Variants in ROBO2 observed in about 807,000 individuals in gnomAD.
ROBO2 encodes the protein roundabout homolog 2.
In ROBO2, 53 loss-of-function variants were observed where a neutral mutation model predicts 160.8. That is an observed-to-expected ratio of 0.33 (90% CI 0.26 to 0.41). ROBO2 has a LOEUF of 0.41. Ranked by LOEUF, ROBO2 falls within the 10% of genes least tolerant of loss-of-function variation. ROBO2 has a pLI of 1.00. For synonymous variants in ROBO2, 664 were observed against 611.7 expected (o/e 1.09, Z -1.26); for missense variants, 1,577 against 1,722.4 (o/e 0.92, Z 1.49).
intron 2 of ROBO2, among the ~76,000 whole-genome samples, chr3:76,536,994 G>A (rs1012235571): frequency 3.3e-5 from 5 of 152,088 alleles, no homozygotes; most frequent in African/African-American, 1.2e-4. Context: ...CAGACTGAGC[G>A]TGAGGAAGGG....
intron 1 of ROBO2, chr3:77,092,110 G>A (rs1050061953): frequency 4.6e-5 from 7 of 152,052 alleles, no homozygotes; most frequent in South Asian, 2.1e-4. Flanking sequence ...GAGAAGATTA[G>A]CATGGTCCCT....
At chr3:77,354,584 C>T (rs373869351) in intron 2 of ROBO2, among the ~76,000 whole-genome samples, 1 of 152,158 alleles carries the variant, frequency 6.6e-6, no homozygotes, top group South Asian at 2.1e-4. Flanking sequence ...CTGAAATGTC[C>T]ATATTTTCAT....
At chr3:76,120,254 G>C (rs1245880088) in intron 2 of ROBO2, among the ~76,000 whole-genome samples, 1 of 151,950 alleles carries the variant, frequency 6.6e-6, no homozygotes, top group Non-Finnish European at 1.5e-5. Flanking sequence ...CGCCCACCTC[G>C]GCCTTCCAAA....
chr3:76,213,533 CT>C (rs758830879), intron 2 of ROBO2, among the ~76,000 whole-genome samples: 1 of 151,962 alleles, frequency 6.6e-6, no homozygotes, highest in South Asian at 2.1e-4. Context: ...GTAGTGTATT[CT>C]TTTTTCTAAG....
In ROBO2 at chr3:77,440,759, T is replaced by C. The variant is rs555033483; in HGVS notation, c.389-36655T>C. Among the ~76,000 whole-genome samples, 5 of 152,296 alleles carry C rather than the reference T, an allele frequency of 3.3e-5. No homozygotes were observed. The South Asian group carries it at 1.0e-3, about 32-fold the overall frequency. The stretch of plus-strand genomic sequence containing the variant: ...GGAAAGAAGGAAAGTCTCAGCCGAG[T>C]GTAAAATCTTTGAAATTGTTCAATT... On this transcript the variant is annotated intron_variant, in intron 2 of 25. Transcript: ENST00000461745.
At chr3:77,607,842 C>A in exon 21 of ROBO2, 1 of 1,613,962 alleles carries the variant, frequency 6.2e-7, no homozygotes, top group East Asian at 2.2e-5. Flanking sequence ...CTCTTCTAAA[C>A]CACAGAAAAA....
intron 2 of ROBO2, among the ~76,000 whole-genome samples, chr3:76,517,097 T>A (rs1476333974): frequency 6.6e-6 from 1 of 152,214 alleles, no homozygotes; most frequent in Non-Finnish European, 1.5e-5. Flanking sequence ...TCATATGACT[T>A]TCTTTTAATA....
At chr3:77,241,811 G>A (rs539415577) in intron 2 of ROBO2, among the ~76,000 whole-genome samples, 5 of 152,156 alleles carry the variant, frequency 3.3e-5, no homozygotes, top group Non-Finnish European at 7.4e-5. Context: ...AGCAAACTAA[G>A]TATCAAGAAA....
At chr3:77,147,907 A>C (rs1306919113) in intron 2 of ROBO2, among the ~76,000 whole-genome samples, 1 of 152,090 alleles carries the variant, frequency 6.6e-6, no homozygotes, top group Non-Finnish European at 1.5e-5. Flanking sequence ...GTTATAAAGG[A>C]TCTGTTGAAT....
chr3:76,048,506 G>T (rs748006375), intron 2 of ROBO2, among the ~76,000 whole-genome samples: 2 of 152,120 alleles, frequency 1.3e-5, no homozygotes, highest in Non-Finnish European at 2.9e-5. Context: ...AATATAGTAA[G>T]CAGTAAATGA....
intron 6 of ROBO2, 103 bp from the exon 8 acceptor site, chr3:77,546,235 T>C: frequency 8.1e-7 from 1 of 1,234,950 alleles, no homozygotes; most frequent in Non-Finnish European, 1.2e-6. Context: ...CTGTAGTCTC[T>C]CTCTGGCACT....
intron 2 of ROBO2, among the ~76,000 whole-genome samples, chr3:77,464,650 T>C (rs1283530184): frequency 3.3e-5 from 5 of 150,674 alleles, no homozygotes; most frequent in Non-Finnish European, 7.4e-5. Flanking sequence ...GAAGGTAAAA[T>C]AGAAAGTTAT....
chr3:76,547,003 A>G (rs1387388680), intron 2 of ROBO2, among the ~76,000 whole-genome samples: 1 of 151,944 alleles, frequency 6.6e-6, no homozygotes, highest in East Asian at 1.9e-4. Flanking sequence ...TAAGAGCAAA[A>G]CTTAATTACT....
At chr3:76,714,546 G>A (rs1055549295) in intron 2 of ROBO2, among the ~76,000 whole-genome samples, 2 of 152,146 alleles carry the variant, frequency 1.3e-5, no homozygotes, top group African/African-American at 2.4e-5. Flanking sequence ...GGAAAATGTT[G>A]TATATCCAGC....
intron 5 of ROBO2, among the ~76,000 whole-genome samples, chr3:77,506,626 G>T (rs1044403739): frequency 1.3e-5 from 2 of 151,900 alleles, no homozygotes; most frequent in Admixed American, 1.3e-4. Context: ...CCAAGAATGC[G>T]GCTAAACGTC....
At chr3:77,063,454 T>C (rs1282014752) in intron 1 of ROBO2, among the ~76,000 whole-genome samples, 1 of 151,992 alleles carries the variant, frequency 6.6e-6, no homozygotes, top group African/African-American at 2.4e-5. Context: ...ACCAGAAAAA[T>C]AAAACCATTT....
chr3:76,226,559 G>A (rs1311526651), intron 2 of ROBO2, among the ~76,000 whole-genome samples: 1 of 152,048 alleles, frequency 6.6e-6, no homozygotes, highest in Non-Finnish European at 1.5e-5. Context: ...GCAAAGTTTG[G>A]ACCAGTTTTT....
At chr3:76,270,278 CT>C (rs1466522152) in intron 2 of ROBO2, among the ~76,000 whole-genome samples, 2 of 152,050 alleles carry the variant, frequency 1.3e-5, no homozygotes, top group African/African-American at 4.8e-5. Flanking sequence ...CATTTCTCCC[CT>C]GCCTAGAACT....
intron 2 of ROBO2, among the ~76,000 whole-genome samples, chr3:77,137,003 T>TGA (rs1334042089): frequency 6.6e-6 from 1 of 152,084 alleles, no homozygotes; most frequent in Admixed American, 6.5e-5. Context: ...AGGCTGGTCT[T>TGA]AAACTCCTAA....
Sources: allele counts gnomAD v4.1 joint callset (sites outside exome capture counted in the v4.1 genomes callset), GRCh38; gene constraint gnomAD v4.1.1; transcripts MANE v1.5; gene names NCBI Gene and HGNC (gene_info 2026-07-23, HGNC 2026-07-21).